Variants in WDR72 observed in about 807,000 individuals in gnomAD.
The protein encoded by WDR72 is WD repeat-containing protein 72.
In WDR72, 120 loss-of-function variants were observed where a neutral mutation model predicts 124.2. The observed-to-expected ratio is 0.97, with a 90% confidence interval of 0.83 to 1.12. The LOEUF (loss-of-function observed/expected upper bound fraction) is 1.12, where lower values mean the gene tolerates loss of function less well. Ranked by LOEUF, WDR72 falls within the 50% of genes most tolerant of loss-of-function variation. WDR72 has a pLI of 0.00. For synonymous variants in WDR72, 452 were observed against 441.7 expected (o/e 1.02, Z -0.29); for missense variants, 1,387 against 1,278.8 (o/e 1.08, Z -1.29).
chr15:53,614,984 T>G (rs963190743), intron 15 of WDR72, among the ~76,000 whole-genome samples: 1 of 152,044 alleles, frequency 6.6e-6, no homozygotes, highest in Non-Finnish European at 1.5e-5. Flanking sequence ...TTTTCAAAGT[T>G]TTCCTTCTCT....
At chr15:53,534,346 C>G (rs1050092916) in intron 18 of WDR72, among the ~76,000 whole-genome samples, 1 of 152,100 alleles carries the variant, frequency 6.6e-6, no homozygotes, top group Non-Finnish European at 1.5e-5. Flanking sequence ...CACTCACTTT[C>G]CTAACCTTTA....
intron 14 of WDR72, among the ~76,000 whole-genome samples, chr15:53,657,159 G>A (rs2015453940): frequency 6.6e-6 from 1 of 150,944 alleles, no homozygotes; most frequent in Admixed American, 6.6e-5. Flanking sequence ...AGCTACTCGG[G>A]AGGGTGAGGC....
chr15:53,648,192 T>C (rs2015110255), intron 14 of WDR72, among the ~76,000 whole-genome samples: 2 of 152,148 alleles, frequency 1.3e-5, no homozygotes, highest in African/African-American at 4.8e-5. Flanking sequence ...AAAAATTCAT[T>C]AATAAGCCAA....
intron 18 of WDR72, among the ~76,000 whole-genome samples, chr15:53,588,191 T>C (rs976383178): frequency 2.7e-4 from 41 of 152,058 alleles, no homozygotes; most frequent in African/African-American, 9.9e-4. Flanking sequence ...ATGTCTGTCA[T>C]TGTCATTTAT....
At chr15:53,642,247 C>T (rs752317072) in intron 14 of WDR72, among the ~76,000 whole-genome samples, 2 of 151,646 alleles carry the variant, frequency 1.3e-5, no homozygotes, top group Non-Finnish European at 2.9e-5. Flanking sequence ...GCATATAGTC[C>T]CAAATTGCTT....
chr15:53,649,399 G>A (rs540137076), intron 14 of WDR72, among the ~76,000 whole-genome samples: 1 of 151,820 alleles, frequency 6.6e-6, no homozygotes, highest in African/African-American at 2.4e-5. Flanking sequence ...ATTTTTTCTG[G>A]GCAAAAATGC....
intron 19 of WDR72, among the ~76,000 whole-genome samples, chr15:53,520,984 C>T (rs1891762406): frequency 6.6e-6 from 1 of 151,984 alleles, no homozygotes; most frequent in African/African-American, 2.4e-5. Context: ...GAATTTTATC[C>T]ACACAAGGAG....
At chr15:53,654,598 A>C (rs2015351838) in intron 14 of WDR72, among the ~76,000 whole-genome samples, 1 of 152,218 alleles carries the variant, frequency 6.6e-6, no homozygotes, top group South Asian at 2.1e-4. Context: ...ACAGTGAAGC[A>C]AACCATCATC....
intron 18 of WDR72, among the ~76,000 whole-genome samples, chr15:53,593,353 T>G (rs1203051799): frequency 1.3e-5 from 2 of 152,118 alleles, no homozygotes; most frequent in African/African-American, 2.4e-5. Context: ...CAGCACAGTA[T>G]TTAGGAGAAT....
At chr15:53,541,227 A>G (rs1478411427) in intron 18 of WDR72, 1 of 153,174 alleles carries the variant, frequency 6.5e-6, no homozygotes, top group African/African-American at 2.4e-5. Flanking sequence ...TAACCTCTGC[A>G]GACTTAAATG....
At position 53,594,044 on chromosome 15, in the gene WDR72, G is replaced by A. The variant is rs1005273079; in HGVS notation, c.3148+3035C>T. Among the ~76,000 whole-genome samples, 9 of 151,926 alleles carry A rather than the reference G, an allele frequency of 5.9e-5. No homozygotes were observed. In the East Asian group the frequency reaches 1.8e-3, roughly 30 times the overall value. On this transcript the variant is annotated intron_variant, in intron 18 of 19. Coordinates refer to ENST00000360509, the MANE Select transcript of WDR72 (RefSeq NM_182758.4). ...CTAAATGTCAGAAGAAGGGTCTTAG[G>A]GTTCATGTGGATTGTGTCAGAATTA...
intron 13 of WDR72, among the ~76,000 whole-genome samples, chr15:53,666,707 T>C (rs867145209): frequency 1.3e-5 from 2 of 152,294 alleles, no homozygotes; most frequent in African/African-American, 4.8e-5. Context: ...TTTATATTGT[T>C]AAGAAAATAT....
intron 14 of WDR72, among the ~76,000 whole-genome samples, chr15:53,657,263 C>CAAAGAAAAAAAAA (rs2015459405): frequency 1.8e-5 from 1 of 56,400 alleles, no homozygotes; most frequent in South Asian, 1.1e-3. Context: ...GACTCCATCT[C>CAAAGAAAAAAAAA]AAAAAAAAAA....
chr15:53,671,678 C>A (rs766838190), intron 13 of WDR72, among the ~76,000 whole-genome samples: 26 of 152,118 alleles, frequency 1.7e-4, no homozygotes, highest in Non-Finnish European at 2.9e-4. Context: ...GCCAACACTG[C>A]GAAAAGTGCC....
intron 18 of WDR72, among the ~76,000 whole-genome samples, chr15:53,532,655 G>A (rs1358181816): frequency 6.6e-6 from 1 of 151,958 alleles, no homozygotes; most frequent in African/African-American, 2.4e-5. Flanking sequence ...GGGAAGCGGG[G>A]GATAAGAAGG....
intron 18 of WDR72, among the ~76,000 whole-genome samples, chr15:53,540,571 G>GAAAAA (rs5812690): frequency 3.0e-5 from 4 of 135,108 alleles, no homozygotes; most frequent in Non-Finnish European, 6.2e-5. Flanking sequence ...AAGGAAGAAA[G>GAAAAA]AAAAAAAAAA....
intron 9 of WDR72, among the ~76,000 whole-genome samples, chr15:53,706,370 A>G (rs1203571830): frequency 1.4e-4 from 7 of 51,638 alleles, no homozygotes; most frequent in Non-Finnish European, 2.3e-4. Context: ...ATATATATAT[A>G]TATATATATA....
At chr15:53,563,520 C>G (rs1346521053) in intron 18 of WDR72, among the ~76,000 whole-genome samples, 1 of 151,608 alleles carries the variant, frequency 6.6e-6, no homozygotes, top group Admixed American at 6.6e-5. Flanking sequence ...TAGGTAAACA[C>G]ATGTCATGGG....
At chr15:53,589,589 T>A (rs879679555) in intron 18 of WDR72, among the ~76,000 whole-genome samples, 1 of 149,814 alleles carries the variant, frequency 6.7e-6, no homozygotes, top group Non-Finnish European at 1.5e-5. Context: ...GCAAAACACA[T>A]TGACTTCAGT....
Sources: gnomAD v4.1 joint callset for allele counts (sites outside exome capture counted in the v4.1 genomes callset) on GRCh38, gnomAD v4.1.1 for gene constraint, MANE v1.5 for transcripts, NCBI Gene and HGNC (gene_info 2026-07-23, HGNC 2026-07-21) for gene names.